DBF4B: variants seen among roughly 807,000 people sequenced by gnomAD.
The protein encoded by DBF4B is DBF4B-CDC7 kinase regulatory subunit.
DBF4B carries 49 observed loss-of-function variants against 53.4 expected under a neutral mutation model. The ratio of observed to expected loss-of-function variants is 0.92; its 90% confidence interval spans 0.73 to 1.16. The LOEUF (loss-of-function observed/expected upper bound fraction) is 1.16. Ranked by LOEUF, DBF4B falls within the 50% of genes most tolerant of loss-of-function variation. The pLI is 0.00. For missense variants in DBF4B, 692 were observed against 775.0 expected, an observed-to-expected ratio of 0.89 and a Z score of 1.27; for synonymous variants, 257 against 288.7, an observed-to-expected ratio of 0.89 and a Z score of 1.11.
intron 2 of DBF4B, among the ~76,000 whole-genome samples, chr17:44,718,422 C>CA (rs910495325): frequency 0.045 from 4,609 of 102,012 alleles, 120 homozygotes; most frequent in Admixed American, 0.11. Context: ...GACTCTATCT[C>CA]AAAAAAAAAA....
At chr17:44,712,741 T>A (rs1309200003) in intron 2 of DBF4B, among the ~76,000 whole-genome samples, 2 of 149,292 alleles carry the variant, frequency 1.3e-5, no homozygotes, top group Non-Finnish European at 3.0e-5. Context: ...ACCCGGCCTG[T>A]CTTCTTTTTT....
rs1975477655 is a variant in DBF4B, at chr17:44,736,719, A to G, written c.631-111A>G. 2.5e-6 allele frequency: 3 copies of G among 1,223,190 alleles called. No individual in the cohort carries two copies. The Admixed American group carries it at 5.4e-5, about 22-fold the overall frequency. 75.8% of individuals were successfully genotyped at this position (1,223,190 alleles called of 1,614,324 possible). ...GAGAGTCTGGTTCTGCAGGCCTCTC[A>G]ACAGCAGGAAGCAAAGTGGGACAGA... On this transcript the variant is annotated intron_variant, in intron 7 of 13. Coordinates refer to ENST00000315005, the MANE Select transcript of DBF4B (RefSeq NM_145663.3).
At chr17:44,719,313 A>G (rs1272684280) in intron 2 of DBF4B, among the ~76,000 whole-genome samples, 1 of 151,742 alleles carries the variant, frequency 6.6e-6, no homozygotes, top group Non-Finnish European at 1.5e-5. Flanking sequence ...CACACACCAC[A>G]CAATTCATCC....
At chr17:44,715,825 T>C (rs1285855032) in intron 2 of DBF4B, among the ~76,000 whole-genome samples, 4 of 127,100 alleles carry the variant, frequency 3.1e-5, no homozygotes, top group African/African-American at 1.2e-4. Flanking sequence ...TTTTTTTTTT[T>C]TTTTTTTTTT....
At chr17:44,733,750 G>A in intron 6 of DBF4B, 1 of 261,358 alleles carries the variant, frequency 3.8e-6, no homozygotes, top group East Asian at 8.2e-5. Flanking sequence ...GTACAGCTGA[G>A]TAGTTCACAC....
At chr17:44,721,925 G>A (rs1488240375) in intron 2 of DBF4B, among the ~76,000 whole-genome samples, 1 of 151,586 alleles carries the variant, frequency 6.6e-6, no homozygotes, top group Non-Finnish European at 1.5e-5. Context: ...ACCTGAGGTC[G>A]GGAGTTTGTG....
rs537697536 is a variant in DBF4B, at chr17:44,736,235, C to T, written c.631-595C>T. On this transcript the variant is annotated intron_variant, in intron 7 of 13. Transcript: ENST00000315005. The stretch of plus-strand genomic sequence containing the variant: ...GTGAGCTCAAGCAATCCACCTGCCT[C>T]GGCCTACCAAAATGTTGAAATTACA... Among the ~76,000 whole-genome samples the T allele has an allele frequency of 5.3e-5, 8 of 151,994 alleles. No homozygotes were observed. The East Asian group carries it at 7.7e-4, about 15-fold the overall frequency.
At position 44,726,012 on chromosome 17, in the gene DBF4B, G is replaced by A. The variant is rs528744359; in HGVS notation, c.225+2990G>A. ...CCTTTTTCTTTCTTTTTTTTGAGAC[G>A]GAGTCTTGCTCTTGTTGCCCAGGCT... is the stretch of plus-strand genomic sequence containing the variant. On this transcript the variant is annotated intron_variant, in intron 3 of 13. Transcript: ENST00000315005. Among the ~76,000 whole-genome samples, 555 of 148,652 alleles carry A rather than the reference G, an allele frequency of 3.7e-3. 6 individuals carry two copies. Among genetic ancestry groups the A allele is most frequent in the Middle Eastern group, 0.011 (3 of 270 alleles).
At chr17:44,729,675 A>G (rs1380728406) in intron 3 of DBF4B, among the ~76,000 whole-genome samples, 2 of 127,668 alleles carry the variant, frequency 1.6e-5, no homozygotes, top group African/African-American at 6.2e-5. Context: ...CAAAACCTGT[A>G]ATACACATAC....
chr17:44,711,127 A>G (rs1313537482), intron 2 of DBF4B, among the ~76,000 whole-genome samples: 1 of 151,640 alleles, frequency 6.6e-6, no homozygotes, highest in East Asian at 1.9e-4. Context: ...CTGGGATTAC[A>G]GGAGCACGCC....
chr17:44,725,604 C>G (rs969390807), intron 3 of DBF4B, among the ~76,000 whole-genome samples: 2 of 151,752 alleles, frequency 1.3e-5, no homozygotes, highest in Non-Finnish European at 2.9e-5. Flanking sequence ...TTGGGCAACT[C>G]CCTATATCCT....
At chr17:44,740,416 C>A (rs537616482) in intron 9 of DBF4B, among the ~76,000 whole-genome samples, 2 of 152,280 alleles carry the variant, frequency 1.3e-5, no homozygotes, top group African/African-American at 4.8e-5. Flanking sequence ...CTCTGCAAAT[C>A]TCTTAAATGT....
Position 44,751,425 on chromosome 17 carries a change from T to C in DBF4B, c.*172T>C, listed in dbSNP as rs2145184384. 7.0e-7 allele frequency: 1 copy of C among 1,427,680 alleles called. No homozygotes were observed. The highest frequency in any genetic ancestry group is 9.1e-7 in the Non-Finnish European group (1 of 1,096,662). 88.4% of individuals were successfully genotyped at this position (1,427,680 alleles called of 1,614,324 possible). On this transcript the variant is annotated 3_prime_UTR_variant, in exon 14 of 14. Transcript: ENST00000315005. Reference sequence around the variant, plus strand: ...TACCCAGACCCAGTGGGCATTGCCTTATCTTGCAGTCAGTCCCTTTTCAAC... The same window carrying C: ...TACCCAGACCCAGTGGGCATTGCCTCATCTTGCAGTCAGTCCCTTTTCAAC...
At chr17:44,721,411 G>C (rs1002414704) in intron 2 of DBF4B, among the ~76,000 whole-genome samples, 6 of 151,884 alleles carry the variant, frequency 4.0e-5, no homozygotes, top group African/African-American at 1.5e-4. Flanking sequence ...TAGAGGCAGG[G>C]TTTTGCCATG....
intron 6 of DBF4B, chr17:44,732,638 C>T (rs1814237): frequency 0.028 from 5,046 of 177,136 alleles, 96 homozygotes; most frequent in Middle Eastern, 0.042. Flanking sequence ...GAGGCCAAGG[C>T]GGGTGGATCA....
intron 2 of DBF4B, among the ~76,000 whole-genome samples, chr17:44,718,655 T>C (rs1376334051): frequency 6.6e-6 from 1 of 152,086 alleles, no homozygotes; most frequent in Non-Finnish European, 1.5e-5. Flanking sequence ...ATGATGAAGA[T>C]AAGATAAATC....
At chr17:44,730,897 C>G in intron 4 of DBF4B, 68 bp from the exon 5 acceptor site, 2 of 1,555,318 alleles carry the variant, frequency 1.3e-6, no homozygotes, top group Non-Finnish European at 1.8e-6. Flanking sequence ...TCACCAGCTC[C>G]TGTGTAAACA....
At chr17:44,717,372 A>G (rs1973417265) in intron 2 of DBF4B, among the ~76,000 whole-genome samples, 2 of 152,182 alleles carry the variant, frequency 1.3e-5, no homozygotes, top group Non-Finnish European at 2.9e-5. Flanking sequence ...CTCTTTACCC[A>G]GCTTCCCCAA....
chr17:44,713,061 A>G (rs569101758), intron 2 of DBF4B, among the ~76,000 whole-genome samples: 150 of 117,608 alleles, frequency 1.3e-3, no homozygotes, highest in Non-Finnish European at 1.5e-3. Flanking sequence ...TTTTTTTGAG[A>G]CAGAGTCTTG....
Sources: gnomAD v4.1 joint callset for allele counts (sites outside exome capture counted in the v4.1 genomes callset) on GRCh38, gnomAD v4.1.1 for gene constraint, MANE v1.5 for transcripts, NCBI Gene and HGNC (gene_info 2026-07-23, HGNC 2026-07-21) for gene names.